The following CNTRL variants were observed in gnomAD, a reference collection of about 807,000 sequenced individuals.
The protein encoded by CNTRL is 110 kDa centrosomal protein.
A neutral mutation model predicts 303.7 loss-of-function variants in CNTRL; 233 were observed. The observed-to-expected ratio is 0.77, with a 90% confidence interval of 0.69 to 0.86. CNTRL has a LOEUF of 0.86. Among genes scored for constraint, CNTRL ranks in the 40% least tolerant of loss-of-function variants. The pLI, the probability that CNTRL is intolerant of heterozygous loss-of-function variation, is 0.00. For synonymous variants in CNTRL, 900 were observed against 922.2 expected (o/e 0.98, Z 0.44); for missense variants, 2,524 against 2,650.6 (o/e 0.95, Z 1.05).
chr9:121,177,287 G>C lies in CNTRL; in HGVS notation c.*101G>C. On this transcript the variant is annotated 3_prime_UTR_variant, in exon 44 of 44. Coordinates refer to ENST00000373855, the MANE Select transcript of CNTRL (RefSeq NM_007018.6). Reference sequence around the variant, plus strand: ...ATGGTTTTTTTAATCAAGATGCAGTGAACTGAGATTCTGAAACTCCACTGT... The same window carrying C: ...ATGGTTTTTTTAATCAAGATGCAGTCAACTGAGATTCTGAAACTCCACTGT... The C allele has an allele frequency of 2.0e-6, 2 of 988,328 alleles. No individual in the cohort carries two copies. Among genetic ancestry groups the C allele is most frequent in the Non-Finnish European group, 3.1e-6 (2 of 635,628 alleles). The allele number at this position is 988,328 out of a possible 1,614,324, so 61.2% of individuals were successfully genotyped here. A position where few individuals can be genotyped will look rare whatever the true frequency, so the allele number is the denominator to read the frequency against.
At chr9:121,109,197 A>G (rs531886494) in intron 8 of CNTRL, among the ~76,000 whole-genome samples, 11 of 152,310 alleles carry the variant, frequency 7.2e-5, no homozygotes, top group Middle Eastern at 3.4e-3. Flanking sequence ...GACATTGTCA[A>G]TGCTAATAAA....
Position 121,112,561 on chromosome 9 carries a change from A to G in CNTRL, c.1105A>G (p.Asn369Asp). 6.2e-7 allele frequency: 1 copy of G among 1,612,642 alleles called. No homozygotes were observed. The change falls in exon 9 of 44, where the codon AAT becomes GAT. Residue 369 changes from asparagine to aspartate, a missense_variant. Coordinates refer to ENST00000373855, the MANE Select transcript of CNTRL (RefSeq NM_007018.6). The stretch of plus-strand genomic sequence containing the variant: ...AATTGATGCTAAATTTGAGCCACTA[A>G]ATTATTATCCATCAGAGGTGAGTTA... Reference protein sequence around the residue: ...YKIDAKFEPLNYYPSEYAEID... With the variant: ...YKIDAKFEPLDYYPSEYAEID...
At chr9:121,113,460 G>A (rs773919107) in intron 9 of CNTRL, 42 bp from the exon 10 acceptor site, 3 of 1,096,476 alleles carry the variant, frequency 2.7e-6, no homozygotes. Flanking sequence ...TGACTGCTTG[G>A]AGATCACTTA....
chr9:121,132,583 C>A (rs990534569), intron 14 of CNTRL, among the ~76,000 whole-genome samples: 5 of 152,148 alleles, frequency 3.3e-5, no homozygotes, highest in Non-Finnish European at 5.9e-5. Flanking sequence ...CAAACATCGT[C>A]CTTTAGCTTG....
chr9:121,152,620 T>C lies in CNTRL; in HGVS notation c.4099T>C (p.Leu1367=), dbSNP rs557953848. 1.8e-5 allele frequency: 29 copies of C among 1,614,046 alleles called. No individual in the cohort carries two copies. In the South Asian group the frequency reaches 2.3e-4, roughly 13 times the overall value. The change falls in exon 26 of 44, where the codon TTG becomes CTG. Residue 1367 remains leucine, a synonymous_variant. Coordinates refer to ENST00000373855, the MANE Select transcript of CNTRL (RefSeq NM_007018.6). The stretch of plus-strand genomic sequence containing the variant: ...ACTGCATCATAATATTGATGATCTT[T>C]TGCAAGAGAAGAAAAGCTTAGAGTG... The part of the protein sequence containing the change: ...EELHHNIDDL[L]QEKKSLECEV...
rs77825317 is a variant in CNTRL at position 121,155,930 on chromosome 9, A to G, written c.4365+1017A>G. 3.0e-3 allele frequency among the ~76,000 whole-genome samples: 454 copies of G among 152,326 alleles called. 17 individuals carry two copies. The East Asian group carries it at 0.081, about 27-fold the overall frequency. ...TATTTTGCTATTTCAACATGAATCT[A>G]TTTAAATTAAAAGCAGTCTATTACC... On this transcript the variant is annotated intron_variant, in intron 27 of 43. Transcript: ENST00000373855.
At chr9:121,147,349 TA>T (rs2051931361) in intron 23 of CNTRL, among the ~76,000 whole-genome samples, 1 of 151,892 alleles carries the variant, frequency 6.6e-6, no homozygotes. Context: ...CTCTTACACT[TA>T]ATTATGTAGG....
chr9:121,104,883 T>C lies in CNTRL; in HGVS notation c.809-2919T>C, dbSNP rs1223812431. On this transcript the variant is annotated intron_variant, in intron 7 of 43. Transcript: ENST00000373855. ...CACCAGGCTAATTTTGTATTTTTAGTAGAGACGGGGTTTGTCTGATTTCTC... is the reference window on the plus strand; with the variant it reads ...CACCAGGCTAATTTTGTATTTTTAGCAGAGACGGGGTTTGTCTGATTTCTC... Among the ~76,000 whole-genome samples, 4 of 152,148 alleles carry C rather than the reference T, an allele frequency of 2.6e-5. No homozygotes were observed. In the East Asian group the frequency reaches 7.7e-4, roughly 29 times the overall value.
At position 121,098,441 on chromosome 9, in the gene CNTRL, T is replaced by C. The variant is rs1247818004; in HGVS notation, c.677T>C (p.Val226Ala). ...PLQDLISLIL[V>A]ENPVVTLPHY... ...CAAGATTTGATTTCTCTGATCCTAG[T>C]TGAAAATCCAGTTGTGACCCTTCCT... The change falls in exon 7 of 44, where the codon GTT becomes GCT. Residue 226 changes from valine to alanine, a missense_variant. Physicochemically the swap from Val to Ala is moderately conservative, Grantham distance 64 (BLOSUM62 0). Transcript: ENST00000373855. 1.2e-6 allele frequency: 2 copies of C among 1,613,764 alleles called. No homozygotes were observed. Among genetic ancestry groups the C allele is most frequent in the East Asian group, 4.5e-5 (2 of 44,874 alleles).
chr9:121,168,427 G>C, intron 38 of CNTRL, 106 bp downstream of exon 38: 1 of 882,348 alleles, frequency 1.1e-6, no homozygotes, highest in Non-Finnish European at 1.8e-6. Flanking sequence ...GAGCCCAGGA[G>C]AGGAGGCAGG....
At chr9:121,097,615 T>C (rs985386574) in intron 6 of CNTRL, among the ~76,000 whole-genome samples, 3 of 152,124 alleles carry the variant, frequency 2.0e-5, no homozygotes, top group Admixed American at 6.5e-5. Flanking sequence ...CCCAACCCCA[T>C]GTTGTACAGC....
intron 12 of CNTRL, among the ~76,000 whole-genome samples, chr9:121,123,599 AAAAT>A (rs536338306): frequency 1.3e-5 from 2 of 152,010 alleles, no homozygotes; most frequent in African/African-American, 4.8e-5. Context: ...ACTCCATCTC[AAAAT>A]AAATAAATAA....
chr9:121,122,336 G>C, intron 12 of CNTRL: 1 of 913,106 alleles, frequency 1.1e-6, no homozygotes, highest in Non-Finnish European at 1.3e-6. Context: ...ATACCATAAA[G>C]CTTTACCAGT....
At chr9:121,127,013 T>A (rs1261209947) in intron 14 of CNTRL, among the ~76,000 whole-genome samples, 3 of 152,000 alleles carry the variant, frequency 2.0e-5, no homozygotes, top group Non-Finnish European at 2.9e-5. Context: ...AGAGATGGGG[T>A]TTCTCCATGT....
intron 15 of CNTRL, among the ~76,000 whole-genome samples, chr9:121,137,219 C>T (rs143767099): frequency 2.0e-5 from 3 of 152,248 alleles, no homozygotes; most frequent in Non-Finnish European, 4.4e-5. Flanking sequence ...TCAGGAAGCC[C>T]ACCTCAACCT....
At chr9:121,121,599 C>T (rs553531468) in intron 12 of CNTRL, among the ~76,000 whole-genome samples, 4 of 152,262 alleles carry the variant, frequency 2.6e-5, no homozygotes, top group East Asian at 1.9e-4. Context: ...TGGGAAATGT[C>T]CTATTGGAAG....
chr9:121,171,188 T>C (rs1009764556), intron 39 of CNTRL: 1 of 622,664 alleles, frequency 1.6e-6, no homozygotes, highest in African/African-American at 1.8e-5. Flanking sequence ...AAAGGGATAG[T>C]AGCTTATTAT....
At chr9:121,154,144 G>T (rs76283381) in intron 26 of CNTRL, among the ~76,000 whole-genome samples, 41 of 152,292 alleles carry the variant, frequency 2.7e-4, no homozygotes, top group African/African-American at 9.4e-4. Context: ...TCTGTTAAAT[G>T]TTGAATTTAT....
chr9:121,145,041 C>CACCT, intron 21 of CNTRL, 82 bp downstream of exon 21: 1 of 1,292,662 alleles, frequency 7.7e-7, no homozygotes, highest in Non-Finnish European at 1.1e-6. Context: ...GGTGATGTCT[C>CACCT]AAAGAATTCT....
Sources: gnomAD v4.1 joint callset for allele counts (sites outside exome capture counted in the v4.1 genomes callset) on GRCh38, gnomAD v4.1.1 for gene constraint, MANE v1.5 for transcripts, NCBI Gene and HGNC (gene_info 2026-07-23, HGNC 2026-07-21) for gene names.